Variants in RALGAPA1 observed in about 807,000 individuals in gnomAD.
The protein encoded by RALGAPA1 is Ral GTPase activating protein catalytic subunit alpha 1.
Under a neutral mutation model 269.6 loss-of-function variants are expected in RALGAPA1, and 52 were observed. That is an observed-to-expected ratio of 0.19 (90% CI 0.15 to 0.24). The LOEUF (loss-of-function observed/expected upper bound fraction) is 0.24. Among genes scored for constraint, RALGAPA1 ranks in the 10% least tolerant of loss-of-function variants. The probability of loss-of-function intolerance (pLI) is 1.00; values close to 1 mark genes in which losing one functional copy is unlikely to be tolerated. For synonymous variants in RALGAPA1, 817 were observed against 1,008.3 expected, an observed-to-expected ratio of 0.81 and a Z score of 3.60; for missense variants, 1,917 against 3,013.9, an observed-to-expected ratio of 0.64 and a Z score of 8.52.
At chr14:35,669,826 T>TC (rs2064254116) in intron 26 of RALGAPA1, among the ~76,000 whole-genome samples, 2 of 152,310 alleles carry the variant, frequency 1.3e-5, no homozygotes, top group Non-Finnish European at 2.9e-5. Flanking sequence ...CCCTCTGTAT[T>TC]CCACCTACAA....
At chr14:35,547,418 G>T (rs189401837) in intron 41 of RALGAPA1, among the ~76,000 whole-genome samples, 1 of 152,172 alleles carries the variant, frequency 6.6e-6, no homozygotes, top group Non-Finnish European at 1.5e-5. Flanking sequence ...AGTACAGCTG[G>T]TAAACAACGA....
chr14:35,651,912 T>C (rs201431681), intron 30 of RALGAPA1, 39 bp from the exon 31 acceptor site: 2 of 1,514,568 alleles, frequency 1.3e-6, no homozygotes, highest in East Asian at 4.6e-5. Flanking sequence ...GCTCTATATA[T>C]GTCAAATTAA....
intron 33 of RALGAPA1, among the ~76,000 whole-genome samples, chr14:35,628,520 C>T (rs181679753): frequency 6.0e-4 from 92 of 152,180 alleles, no homozygotes; most frequent in African/African-American, 2.2e-3. Context: ...GAAATCTGTT[C>T]AACTGATAAG....
At chr14:35,637,515 TAC>T (rs1304496398) in intron 31 of RALGAPA1, among the ~76,000 whole-genome samples, 2 of 151,396 alleles carry the variant, frequency 1.3e-5, no homozygotes, top group African/African-American at 2.4e-5. Flanking sequence ...TATTTGAAAA[TAC>T]ACAGTCAGAG....
rs148417137 is a variant in RALGAPA1 at position 35,588,475 on chromosome 14, A to T, written c.7209+7159T>A. ...CCTGACATAGTTTTCTTTAACAAAAAAGTCATTTTAATAGAAAATAATCTA... is the reference window on the plus strand; with the variant it reads ...CCTGACATAGTTTTCTTTAACAAAATAGTCATTTTAATAGAAAATAATCTA... On this transcript the variant is annotated intron_variant, in intron 37 of 41. Transcript: ENST00000680220. 2.7e-3 allele frequency among the ~76,000 whole-genome samples: 416 copies of T among 152,358 alleles called. 6 individuals are homozygous for T. Among genetic ancestry groups the T allele is most frequent in the Middle Eastern group, 0.01 (3 of 294 alleles).
chr14:35,685,202 T>A, intron 19 of RALGAPA1, 57 bp from the exon 20 acceptor site: 1 of 1,435,034 alleles, frequency 7.0e-7, no homozygotes, highest in Non-Finnish European at 9.4e-7. Context: ...TCTTTAACCA[T>A]CTGAAACCTT....
At chr14:35,765,855 G>A (rs897745335) in intron 4 of RALGAPA1, 14 of 729,340 alleles carry the variant, frequency 1.9e-5, no homozygotes, top group African/African-American at 7.1e-5. Context: ...TAGTAGTTCC[G>A]AAATTGTTGG....
rs560527746 is a variant in RALGAPA1 at position 35,704,652 on chromosome 14, A to G, written c.2267-4350T>C. ...ATAGACTATACTAGTGTCTTCATGA[A>G]TTGTAAGGACATAAGGTCCTTACAT... On this transcript the variant is annotated intron_variant, in intron 16 of 41. Coordinates refer to ENST00000680220, the MANE Select transcript of RALGAPA1 (RefSeq NM_001346249.2). Among the ~76,000 whole-genome samples the G allele has an allele frequency of 5.1e-3, 779 of 152,306 alleles. 1 individual carries two copies. The highest frequency in any genetic ancestry group is 9.3e-3 in the Non-Finnish European group (633 of 67,992).
At chr14:35,788,756 TTTTG>T (rs1381832244) in intron 1 of RALGAPA1, among the ~76,000 whole-genome samples, 1 of 152,234 alleles carries the variant, frequency 6.6e-6, no homozygotes, top group Non-Finnish European at 1.5e-5. Flanking sequence ...TGTTTTATAT[TTTTG>T]TTTGTTTTTC....
intron 1 of RALGAPA1, among the ~76,000 whole-genome samples, chr14:35,800,257 C>T (rs960557086): frequency 3.7e-4 from 56 of 152,276 alleles, no homozygotes; most frequent in African/African-American, 1.3e-3. Context: ...TGACATTTTT[C>T]GAACACCTAA....
intron 35 of RALGAPA1, among the ~76,000 whole-genome samples, chr14:35,614,037 T>C (rs770598331): frequency 2.6e-5 from 4 of 152,180 alleles, no homozygotes; most frequent in Non-Finnish European, 5.9e-5. Context: ...GATTCCACTT[T>C]ATATCCACTA....
chr14:35,539,881 T>C (rs1199766063), intron 41 of RALGAPA1, among the ~76,000 whole-genome samples, 191 bp from the exon 42 acceptor site: 1 of 152,132 alleles, frequency 6.6e-6, no homozygotes, highest in African/African-American at 2.4e-5. Context: ...TGGTGGCTCA[T>C]GTCATTATAT....
intron 11 of RALGAPA1, among the ~76,000 whole-genome samples, chr14:35,740,529 G>C (rs1324384482): frequency 6.6e-6 from 1 of 152,240 alleles, no homozygotes; most frequent in Admixed American, 6.5e-5. Flanking sequence ...ACTTAGGTCA[G>C]GGGCTGTGGC....
At chr14:35,645,228 C>T (rs1023555695) in intron 31 of RALGAPA1, among the ~76,000 whole-genome samples, 42 of 152,094 alleles carry the variant, frequency 2.8e-4, no homozygotes, top group Non-Finnish European at 5.6e-4. Context: ...TTCATCCTCA[C>T]GACCTAATTA....
intron 15 of RALGAPA1, among the ~76,000 whole-genome samples, chr14:35,722,127 A>C (rs1410752768): frequency 6.6e-6 from 1 of 152,210 alleles, no homozygotes; most frequent in Admixed American, 6.5e-5. Context: ...ACATTTAGAC[A>C]AGAAAAAAAA....
intron 26 of RALGAPA1, 89 bp downstream of exon 26, chr14:35,671,300 C>T: frequency 4.9e-6 from 6 of 1,221,964 alleles, no homozygotes; most frequent in Admixed American, 2.6e-5. Context: ...GCAAAATTTC[C>T]TGATTATCAG....
rs1489921784 is a variant in RALGAPA1, at chr14:35,681,996, CTGAG to C, written c.4471+1809_4471+1812del. Among the ~76,000 whole-genome samples, 7 of 152,152 alleles carry C rather than the reference CTGAG, an allele frequency of 4.6e-5. No homozygotes were observed. In the East Asian group the frequency reaches 7.7e-4, roughly 17 times the overall value. ...ATTAATATTTAATTCTGTTTCATTACTGAGTATTATTTCAGTGAATATTCAATAA... is the reference window on the plus strand; with the variant it reads ...ATTAATATTTAATTCTGTTTCATTACTATTATTTCAGTGAATATTCAATAA... On this transcript the variant is annotated intron_variant, in intron 21 of 41. Coordinates refer to ENST00000680220, the MANE Select transcript of RALGAPA1 (RefSeq NM_001346249.2).
At chr14:35,674,462 A>T (rs1465838063) in intron 23 of RALGAPA1, 54 bp downstream of exon 23, 1 of 1,481,096 alleles carries the variant, frequency 6.8e-7, no homozygotes, top group East Asian at 2.4e-5. Flanking sequence ...GGCTTCTTCT[A>T]TTTTTAAATA....
chr14:35,614,811 T>A (rs1189979422), intron 35 of RALGAPA1, among the ~76,000 whole-genome samples: 1 of 152,092 alleles, frequency 6.6e-6, no homozygotes, highest in African/African-American at 2.4e-5. Flanking sequence ...CTTCTTCAGG[T>A]AAAGGGCTAT....
Sources: allele counts gnomAD v4.1 joint callset (sites outside exome capture counted in the v4.1 genomes callset), GRCh38; gene constraint gnomAD v4.1.1; transcripts MANE v1.5; gene names NCBI Gene and HGNC (gene_info 2026-07-23, HGNC 2026-07-21).